KIF18A: variants seen among roughly 807,000 people sequenced by gnomAD.
KIF18A encodes the protein kinesin-like protein KIF18A.
Under a neutral mutation model 103.3 loss-of-function variants are expected in KIF18A, and 67 were observed. The observed-to-expected ratio is 0.65, with a 90% confidence interval of 0.53 to 0.79. KIF18A has a LOEUF of 0.79. KIF18A is among the 30% of genes least tolerant of loss of function. KIF18A has a pLI of 0.00. For synonymous variants in KIF18A, 367 were observed against 355.5 expected (o/e 1.03, Z -0.36); for missense variants, 1,032 against 1,062.5 (o/e 0.97, Z 0.40).
At chr11:28,089,728 A>T (rs1248030032) in intron 5 of KIF18A, among the ~76,000 whole-genome samples, 1 of 152,240 alleles carries the variant, frequency 6.6e-6, no homozygotes, top group Non-Finnish European at 1.5e-5. Context: ...ACTGCCTAGT[A>T]AAGCATAATT....
chr11:28,082,993 A>G, intron 8 of KIF18A, 25 bp from the exon 9 acceptor site: 1 of 1,502,236 alleles, frequency 6.7e-7, no homozygotes, highest in Non-Finnish European at 9.1e-7. Flanking sequence ...TCACTAGTTA[A>G]AATACAAAAG....
At chr11:28,037,693 A>C (rs1850511018) in intron 13 of KIF18A, among the ~76,000 whole-genome samples, 2 of 151,720 alleles carry the variant, frequency 1.3e-5, no homozygotes, top group Middle Eastern at 3.4e-3. Context: ...ACTAAAGATA[A>C]ATGAAATAAT....
At chr11:28,022,552 C>T (rs1337017493) in intron 16 of KIF18A, among the ~76,000 whole-genome samples, 1 of 152,188 alleles carries the variant, frequency 6.6e-6, no homozygotes, top group African/African-American at 2.4e-5. Flanking sequence ...CAGGCGTGAG[C>T]CACGGCGCCC....
At chr11:28,030,993 C>T (rs1214832145) in intron 15 of KIF18A, among the ~76,000 whole-genome samples, 6 of 151,294 alleles carry the variant, frequency 4.0e-5, no homozygotes, top group South Asian at 2.1e-4. Flanking sequence ...TACCATCTCA[C>T]ACCAGTTAGA....
intron 13 of KIF18A, among the ~76,000 whole-genome samples, chr11:28,052,020 ATTTC>A (rs959136763): frequency 6.6e-6 from 1 of 152,058 alleles, no homozygotes; most frequent in African/African-American, 2.4e-5. Context: ...AGTCTTAAGC[ATTTC>A]TTTCTCTCCT....
chr11:28,059,517 G>C (rs1012004173), intron 12 of KIF18A, among the ~76,000 whole-genome samples: 2 of 152,002 alleles, frequency 1.3e-5, no homozygotes, highest in African/African-American at 4.8e-5. Context: ...TTGCAGCCTC[G>C]AACTCCTGGC....
intron 1 of KIF18A, among the ~76,000 whole-genome samples, chr11:28,105,037 C>T (rs1408944824): frequency 6.6e-6 from 1 of 151,718 alleles, no homozygotes; most frequent in Non-Finnish European, 1.5e-5. Context: ...CAAACAACAA[C>T]AACAAAACCA....
intron 6 of KIF18A, 136 bp downstream of exon 6, chr11:28,088,388 C>CTA (rs1851259054): frequency 4.6e-6 from 3 of 657,226 alleles, no homozygotes; most frequent in Non-Finnish European, 7.6e-6. Flanking sequence ...GGTCTTTGAT[C>CTA]TATATATTAA....
chr11:28,073,863 GT>G (rs1265566768), intron 10 of KIF18A, among the ~76,000 whole-genome samples: 1 of 152,104 alleles, frequency 6.6e-6, no homozygotes, highest in Non-Finnish European at 1.5e-5. Context: ...TTCAATAAGA[GT>G]TTCGTTAAAG....
intron 9 of KIF18A, among the ~76,000 whole-genome samples, chr11:28,080,761 A>G (rs887533861): frequency 6.6e-6 from 1 of 152,192 alleles, no homozygotes; most frequent in African/African-American, 2.4e-5. Context: ...TTTTAAATCA[A>G]AAGCTGGAAA....
intron 13 of KIF18A, among the ~76,000 whole-genome samples, chr11:28,040,423 A>G (rs1476284296): frequency 6.6e-6 from 1 of 151,762 alleles, no homozygotes; most frequent in Non-Finnish European, 1.5e-5. Flanking sequence ...CTATCTAACA[A>G]TATTCCATAA....
chr11:28,102,214 C>G (rs151078554), intron 1 of KIF18A, among the ~76,000 whole-genome samples: 22 of 152,272 alleles, frequency 1.4e-4, no homozygotes, highest in African/African-American at 1.9e-4. Flanking sequence ...AACCTGCTCT[C>G]TCTCTCTGAA....
At chr11:28,084,444 A>G (rs958510666) in intron 7 of KIF18A, 188 bp downstream of exon 7, 28 of 214,138 alleles carry the variant, frequency 1.3e-4, no homozygotes, top group Non-Finnish European at 8.9e-5. Context: ...ATATATATAT[A>G]ATCAAGATGC....
intron 13 of KIF18A, among the ~76,000 whole-genome samples, chr11:28,047,461 C>T (rs939632312): frequency 1.6e-4 from 25 of 152,242 alleles, no homozygotes; most frequent in Non-Finnish European, 3.2e-4. Flanking sequence ...GTGGTCCTAA[C>T]TACTGGCCAC....
chr11:28,062,554 T>A, intron 11 of KIF18A, 38 bp from the exon 12 acceptor site: 1 of 1,511,060 alleles, frequency 6.6e-7, no homozygotes, highest in Non-Finnish European at 8.9e-7. Context: ...CAGATCACTC[T>A]AAGAATATTG....
At chr11:28,086,435 G>C (rs1384254939) in intron 6 of KIF18A, among the ~76,000 whole-genome samples, 1 of 152,090 alleles carries the variant, frequency 6.6e-6, no homozygotes, top group African/African-American at 2.4e-5. Context: ...AATAAATTTT[G>C]TTAAGTTTTG....
intron 13 of KIF18A, among the ~76,000 whole-genome samples, chr11:28,053,653 C>A (rs559143794): frequency 3.6e-3 from 3 of 836 alleles, no homozygotes; most frequent in Admixed American, 0.042. Flanking sequence ...ATCCCTCCCC[C>A]CTTTCCCCCA....
chr11:28,071,847 G>A (rs546715310), intron 10 of KIF18A, among the ~76,000 whole-genome samples: 20 of 152,244 alleles, frequency 1.3e-4, no homozygotes, highest in African/African-American at 4.8e-4. Flanking sequence ...GTACCTAACT[G>A]AAGGCAGGCA....
intron 13 of KIF18A, among the ~76,000 whole-genome samples, chr11:28,043,447 C>A (rs1264940727): frequency 6.6e-6 from 1 of 151,988 alleles, no homozygotes; most frequent in East Asian, 1.9e-4. Flanking sequence ...AATGACAGAA[C>A]TGGCATACAA....
Sources: gnomAD v4.1 joint callset for allele counts (sites outside exome capture counted in the v4.1 genomes callset) on GRCh38, gnomAD v4.1.1 for gene constraint, MANE v1.5 for transcripts, NCBI Gene and HGNC (gene_info 2026-07-23, HGNC 2026-07-21) for gene names.